Variants in MELK observed in about 807,000 individuals in gnomAD.
MELK encodes maternal embryonic leucine zipper kinase.
MELK carries 81 observed loss-of-function variants against 85.0 expected under a neutral mutation model. The observed-to-expected ratio is 0.95, with a 90% CI of 0.80 to 1.15. MELK has a LOEUF of 1.15. Ranked by LOEUF, MELK falls within the 50% of genes most tolerant of loss-of-function variation. MELK has a pLI of 0.00. For synonymous variants in MELK, 252 were observed against 265.0 expected (o/e 0.95, Z 0.48); for missense variants, 754 against 777.5 (o/e 0.97, Z 0.36).
At chr9:36,627,806 C>T (rs913028211) in intron 8 of MELK, among the ~76,000 whole-genome samples, 2 of 152,012 alleles carry the variant, frequency 1.3e-5, no homozygotes, top group African/African-American at 4.8e-5. Flanking sequence ...GGATTACAGG[C>T]GTGAGCCACT....
intron 1 of MELK, among the ~76,000 whole-genome samples, chr9:36,575,057 CAG>C (rs1455143122): frequency 6.6e-6 from 1 of 152,186 alleles, no homozygotes; most frequent in Non-Finnish European, 1.5e-5. Context: ...TGCTTGAACT[CAG>C]AGGGCGGAGG....
chr9:36,590,488 A>G (rs1456486674), intron 4 of MELK, among the ~76,000 whole-genome samples: 1 of 152,038 alleles, frequency 6.6e-6, no homozygotes, highest in East Asian at 1.9e-4. Flanking sequence ...TCCGTCTTCA[A>G]ATGGTGTTTT....
At chr9:36,646,848 A>G (rs1185688142) in intron 11 of MELK, among the ~76,000 whole-genome samples, 1 of 152,188 alleles carries the variant, frequency 6.6e-6, no homozygotes, top group Non-Finnish European at 1.5e-5. Flanking sequence ...GTGCCAGGAC[A>G]CCTCTTTAAC....
intron 10 of MELK, 40 bp from the exon 11 acceptor site, chr9:36,642,957 G>A: frequency 1.4e-6 from 2 of 1,419,804 alleles, no homozygotes; most frequent in South Asian, 1.2e-5. Context: ...GAATATATTT[G>A]TAATTTTTTG....
At chr9:36,599,539 C>A in intron 7 of MELK, 53 bp downstream of exon 7, 2 of 1,364,082 alleles carry the variant, frequency 1.5e-6, no homozygotes, top group South Asian at 2.3e-5. Context: ...TTATATTGGT[C>A]ACCTGTAGTG....
At chr9:36,586,205 T>C (rs1822884261) in intron 3 of MELK, among the ~76,000 whole-genome samples, 1 of 152,034 alleles carries the variant, frequency 6.6e-6, no homozygotes, top group African/African-American at 2.4e-5. Context: ...TCGCTGGACA[T>C]GGTGGTACAC....
At chr9:36,661,717 A>G (rs1294682647) in intron 13 of MELK, among the ~76,000 whole-genome samples, 1 of 152,152 alleles carries the variant, frequency 6.6e-6, no homozygotes, top group African/African-American at 2.4e-5. Context: ...TGGGTGGATC[A>G]TGAGGTCAGG....
In MELK at chr9:36,581,625, T is replaced by C. The variant is rs1406855239; in HGVS notation, c.-38-19T>C. The C allele has an allele frequency of 1.8e-5, 22 of 1,199,662 alleles. No homozygotes were observed. The highest frequency in any genetic ancestry group is 3.0e-5 in the African/African-American group (2 of 65,944). 74.3% of individuals were successfully genotyped at this position (1,199,662 alleles called of 1,614,324 possible). ...CCGGTATTATTTCCTTTATTGATTATGTACTCTCTGTCTTCTAGGTTCTTT... is the reference window on the plus strand; with the variant it reads ...CCGGTATTATTTCCTTTATTGATTACGTACTCTCTGTCTTCTAGGTTCTTT... On this transcript the variant is annotated intron_variant, in intron 1 of 17. Coordinates refer to ENST00000298048, the MANE Select transcript of MELK (RefSeq NM_014791.4).
intron 14 of MELK, among the ~76,000 whole-genome samples, chr9:36,668,528 T>A (rs1832596049): frequency 6.6e-6 from 1 of 152,120 alleles, no homozygotes; most frequent in African/African-American, 2.4e-5. Context: ...TCTTTTTTTT[T>A]CCGAGATGAA....
chr9:36,652,813 G>T (rs1237302801), intron 12 of MELK, among the ~76,000 whole-genome samples: 1 of 151,390 alleles, frequency 6.6e-6, no homozygotes, highest in African/African-American at 2.4e-5. Context: ...CCAACTACCT[G>T]TGGAGGATGT....
rs1025224985 is a variant in MELK, at chr9:36,671,118, C to G, written c.1626C>G (p.Thr542=). 1 of 1,610,570 alleles carries G rather than the reference C, an allele frequency of 6.2e-7. No homozygotes were observed. Among genetic ancestry groups the G allele is most frequent in the Non-Finnish European group, 8.5e-7 (1 of 1,178,380 alleles). The change falls in exon 16 of 18, where the codon ACC becomes ACG. Residue 542 remains threonine, a synonymous_variant. Transcript: ENST00000298048. ...TGGATAAGGTTATCACTGTGCTCAC[C>G]AGGAGCAAAAGGAAGGGTTCTGCCA... ...RGLDKVITVL[T]RSKRKGSARD...
chr9:36,597,503 G>A (rs956028267), intron 6 of MELK, among the ~76,000 whole-genome samples: 3 of 152,178 alleles, frequency 2.0e-5, no homozygotes, highest in African/African-American at 7.2e-5. Flanking sequence ...CCTAGTTCTA[G>A]GATTGGTCCT....
At chr9:36,593,580 T>TA (rs1329704847) in intron 4 of MELK, among the ~76,000 whole-genome samples, 2 of 152,240 alleles carry the variant, frequency 1.3e-5, no homozygotes, top group African/African-American at 2.4e-5. Context: ...TATTTTGTTA[T>TA]AGCAGCCCAA....
intron 11 of MELK, among the ~76,000 whole-genome samples, chr9:36,647,596 C>G (rs1464218262): frequency 6.6e-6 from 1 of 151,880 alleles, no homozygotes; most frequent in African/African-American, 2.4e-5. Flanking sequence ...TCAAGCAATT[C>G]TCCTGCCTCA....
chr9:36,581,213 T>C (rs1243498922), intron 1 of MELK, among the ~76,000 whole-genome samples: 1 of 152,040 alleles, frequency 6.6e-6, no homozygotes, highest in Non-Finnish European at 1.5e-5. Context: ...ATTTTTATTT[T>C]TTTTATAGAT....
At chr9:36,573,801 C>T (rs1240140817) in intron 1 of MELK, among the ~76,000 whole-genome samples, 1 of 152,098 alleles carries the variant, frequency 6.6e-6, no homozygotes, top group Non-Finnish European at 1.5e-5. Flanking sequence ...GCCACCACGC[C>T]CGGCCTAAAA....
At chr9:36,620,771 G>C (rs539829931) in intron 8 of MELK, among the ~76,000 whole-genome samples, 2 of 151,406 alleles carry the variant, frequency 1.3e-5, no homozygotes, top group South Asian at 4.2e-4. Flanking sequence ...GGCTGGTCTC[G>C]AACTCCTGAC....
At chr9:36,618,087 C>T (rs989592972) in intron 8 of MELK, among the ~76,000 whole-genome samples, 2 of 151,492 alleles carry the variant, frequency 1.3e-5, no homozygotes, top group African/African-American at 4.9e-5. Flanking sequence ...TATGATTGCA[C>T]CATTGCATTC....
At chr9:36,652,466 T>C (rs796891088) in intron 12 of MELK, among the ~76,000 whole-genome samples, 22 of 150,404 alleles carry the variant, frequency 1.5e-4, no homozygotes, top group African/African-American at 5.4e-4. Context: ...GTGTGGTGGC[T>C]CACACCTGTA....
Sources: gnomAD v4.1 joint callset for allele counts (sites outside exome capture counted in the v4.1 genomes callset) on GRCh38, gnomAD v4.1.1 for gene constraint, MANE v1.5 for transcripts, NCBI Gene and HGNC (gene_info 2026-07-23, HGNC 2026-07-21) for gene names.